SLC9A9: variants seen among roughly 807,000 people sequenced by gnomAD.
The protein encoded by SLC9A9 is sodium/hydrogen exchanger 9.
SLC9A9 carries 62 observed loss-of-function variants against 77.8 expected under a neutral mutation model. The observed-to-expected ratio is 0.80, with a 90% confidence interval of 0.65 to 0.98. The LOEUF is 0.98. SLC9A9 is among the 50% of genes least tolerant of loss of function. The pLI is 0.00. For missense variants in SLC9A9, 775 were observed against 774.9 expected, an observed-to-expected ratio of 1.00 and a Z score of 0.00; for synonymous variants, 320 against 283.5, an observed-to-expected ratio of 1.13 and a Z score of -1.29.
chr3:143,764,806 G>A (rs946035159), intron 4 of SLC9A9, among the ~76,000 whole-genome samples: 1 of 151,886 alleles, frequency 6.6e-6, no homozygotes, highest in Non-Finnish European at 1.5e-5. Context: ...CTAACTCCTG[G>A]CCTCAAGAGA....
chr3:143,372,118 T>G (rs1242551680), intron 13 of SLC9A9: 1 of 236,226 alleles, frequency 4.2e-6, no homozygotes, highest in Non-Finnish European at 8.9e-6. Context: ...GAAGAATCAG[T>G]ATCACGAAAG....
intron 14 of SLC9A9, chr3:143,344,587 C>T (rs893406618): frequency 2.0e-5 from 3 of 152,114 alleles, no homozygotes; most frequent in Non-Finnish European, 4.4e-5. Flanking sequence ...ATATATGTCC[C>T]TAAGAAGGTA....
intron 4 of SLC9A9, among the ~76,000 whole-genome samples, chr3:143,726,147 G>T (rs1934645645): frequency 6.7e-6 from 1 of 150,338 alleles, no homozygotes; most frequent in South Asian, 2.1e-4. Flanking sequence ...GTGATAGGTT[G>T]GTCTGTGCAG....
At chr3:143,435,081 C>T (rs1304145033) in intron 12 of SLC9A9, among the ~76,000 whole-genome samples, 2 of 152,170 alleles carry the variant, frequency 1.3e-5, no homozygotes, top group Non-Finnish European at 2.9e-5. Flanking sequence ...CTGCTGGCAT[C>T]CCTTGACCTT....
At chr3:143,575,872 A>G (rs531817027) in intron 7 of SLC9A9, among the ~76,000 whole-genome samples, 1 of 152,302 alleles carries the variant, frequency 6.6e-6, no homozygotes, top group Admixed American at 6.5e-5. Context: ...TGAGGAGGAC[A>G]ACAGTAAGCA....
Position 143,300,527 on chromosome 3 carries a change from A to C in SLC9A9, c.1605-31547T>G, listed in dbSNP as rs568217884. 9.2e-5 allele frequency among the ~76,000 whole-genome samples: 14 copies of C among 152,330 alleles called. No individual in the cohort carries two copies. The East Asian group carries it at 9.6e-4, about 10-fold the overall frequency. ...ATGCCTGGGGATGTTGTTATAATAA[A>C]ATGCAGATTCTGATTCAGTAGGCCT... On this transcript the variant is annotated intron_variant, in intron 14 of 15. Coordinates refer to ENST00000316549, the MANE Select transcript of SLC9A9 (RefSeq NM_173653.4).
intron 13 of SLC9A9, among the ~76,000 whole-genome samples, chr3:143,364,724 G>T (rs1349428349): frequency 6.6e-6 from 1 of 152,192 alleles, no homozygotes; most frequent in Non-Finnish European, 1.5e-5. Flanking sequence ...AAAGCAAAGT[G>T]TGCTTCACTT....
chr3:143,680,444 A>C (rs1392770496), intron 5 of SLC9A9, among the ~76,000 whole-genome samples: 1 of 152,190 alleles, frequency 6.6e-6, no homozygotes, highest in Non-Finnish European at 1.5e-5. Flanking sequence ...GTATGTCCAT[A>C]ATTAAATCTT....
intron 12 of SLC9A9, among the ~76,000 whole-genome samples, chr3:143,419,524 GT>G (rs1185057670): frequency 6.6e-6 from 1 of 152,030 alleles, no homozygotes; most frequent in Non-Finnish European, 1.5e-5. Context: ...ATCTCCTTCC[GT>G]TTCTATCAGT....
chr3:143,665,642 A>G (rs1398404729), intron 5 of SLC9A9, among the ~76,000 whole-genome samples: 2 of 152,190 alleles, frequency 1.3e-5, no homozygotes, highest in Admixed American at 1.3e-4. Flanking sequence ...AAAAATGATA[A>G]AGGGGATATC....
In SLC9A9 at chr3:143,537,595, G is replaced by A. The variant is rs1278217372; in HGVS notation, c.1089+14767C>T. ...CTACTTATTTCTCTTCAATTAGCAG[G>A]AAGGTACTTCATTTTTATGTGTTCA... On this transcript the variant is annotated intron_variant, in intron 9 of 15. Coordinates refer to ENST00000316549, the MANE Select transcript of SLC9A9 (RefSeq NM_173653.4). Among the ~76,000 whole-genome samples, 3 of 152,348 alleles carry A rather than the reference G, an allele frequency of 2.0e-5. No individual in the cohort carries two copies. In the South Asian group the frequency reaches 6.2e-4, roughly 32 times the overall value.
intron 4 of SLC9A9, among the ~76,000 whole-genome samples, chr3:143,745,374 A>C (rs1935177041): frequency 6.6e-6 from 1 of 152,226 alleles, no homozygotes; most frequent in African/African-American, 2.4e-5. Flanking sequence ...AACTAGTTTA[A>C]ATTGTCACCA....
chr3:143,764,395 G>A (rs2007234811), intron 4 of SLC9A9, among the ~76,000 whole-genome samples: 1 of 152,196 alleles, frequency 6.6e-6, no homozygotes, highest in Non-Finnish European at 1.5e-5. Flanking sequence ...TCCTTGGAAT[G>A]TAATATATGC....
intron 2 of SLC9A9, among the ~76,000 whole-genome samples, chr3:143,804,148 A>G (rs570244372): frequency 6.6e-6 from 1 of 152,230 alleles, no homozygotes; most frequent in East Asian, 1.9e-4. Flanking sequence ...CCAAAGCCCA[A>G]CTACACACAT....
At chr3:143,510,784 G>C (rs902643205) in intron 9 of SLC9A9, among the ~76,000 whole-genome samples, 3 of 152,118 alleles carry the variant, frequency 2.0e-5, no homozygotes. Flanking sequence ...TTTGGCCTGT[G>C]AGTCACATTT....
chr3:143,331,582 T>C lies in SLC9A9; in HGVS notation c.1604+31902A>G, dbSNP rs138617615. On this transcript the variant is annotated intron_variant, in intron 14 of 15. Coordinates refer to ENST00000316549, the MANE Select transcript of SLC9A9 (RefSeq NM_173653.4). ...AATGAGCCCAGATTACTGTGCCATA[T>C]GGGTGGCAGCAGTGCCTGTAGACAC... Among the ~76,000 whole-genome samples, 241 of 152,322 alleles carry C rather than the reference T, an allele frequency of 1.6e-3. 1 individual carries two copies. Among genetic ancestry groups the C allele is most frequent in the Non-Finnish European group, 2.7e-3 (184 of 68,030 alleles).
intron 12 of SLC9A9, among the ~76,000 whole-genome samples, chr3:143,401,549 A>G (rs1327698928): frequency 6.6e-6 from 1 of 152,208 alleles, no homozygotes; most frequent in Admixed American, 6.5e-5. Flanking sequence ...GTTTTCAGGG[A>G]CTTGAAATTT....
chr3:143,508,148 T>C (rs971987700), intron 9 of SLC9A9, among the ~76,000 whole-genome samples: 1 of 152,184 alleles, frequency 6.6e-6, no homozygotes, highest in Non-Finnish European at 1.5e-5. Context: ...GTCAGATGAG[T>C]AACAACTGTT....
rs1186304215 is a variant in SLC9A9, at chr3:143,578,615, CA to C, written c.863del (p.Met288ArgfsTer12). The C allele has an allele frequency of 1.2e-6, 2 of 1,614,056 alleles. No homozygotes were observed. The highest frequency in any genetic ancestry group is 1.7e-6 in the Non-Finnish European group (2 of 1,179,936). On this transcript the variant is annotated frameshift_variant, in exon 7 of 16. Coordinates refer to ENST00000316549, the MANE Select transcript of SLC9A9 (RefSeq NM_173653.4). LOFTEE classifies it high-confidence loss of function. ...FLGIFAGSFA[M>X]GSAYAIITAL... ...CTGTGATGATGGCATACGCAGACCC[CA>C]TTGCAAATGAGCCAGCGAAGATTCC...
Sources: gnomAD v4.1 joint callset for allele counts (sites outside exome capture counted in the v4.1 genomes callset) on GRCh38, gnomAD v4.1.1 for gene constraint, MANE v1.5 for transcripts, NCBI Gene and HGNC (gene_info 2026-07-23, HGNC 2026-07-21) for gene names.